The following CLPTM1L variants were observed in gnomAD, a reference collection of about 807,000 sequenced individuals.
CLPTM1L encodes the protein lipid scramblase CLPTM1L.
CLPTM1L carries 38 observed loss-of-function variants against 70.9 expected under a neutral mutation model. That is an observed-to-expected ratio of 0.54 (90% confidence interval 0.41 to 0.70). The LOEUF is 0.70. CLPTM1L is among the 30% of genes least tolerant of loss of function. CLPTM1L has a pLI of 0.00. For synonymous variants in CLPTM1L, 339 were observed against 299.9 expected (o/e 1.13, Z -1.35); for missense variants, 652 against 705.9 (o/e 0.92, Z 0.87).
At chr5:1,325,598 C>G in intron 10 of CLPTM1L, 153 bp downstream of exon 10, 19 of 678,644 alleles carry the variant, frequency 2.8e-5, no homozygotes, top group Non-Finnish European at 8.0e-6. Flanking sequence ...AGAGTGGCTG[C>G]GATCAGAAAC....
chr5:1,325,474 G>A (rs530592408), intron 10 of CLPTM1L: 46 of 511,784 alleles, frequency 9.0e-5, no homozygotes, highest in African/African-American at 2.8e-4. Context: ...CGAAGCACAC[G>A]TGCTGGCCAG....
intron 5 of CLPTM1L, among the ~76,000 whole-genome samples, 165 bp downstream of exon 5, chr5:1,337,738 CT>C (rs771352715): frequency 5.9e-5 from 9 of 152,030 alleles, no homozygotes; most frequent in Admixed American, 2.0e-4. Context: ...CAGGGCCCCC[CT>C]GTCACAACCC....
intron 4 of CLPTM1L, 22 bp from the exon 5 acceptor site, chr5:1,338,004 C>T (rs752605893): frequency 1.9e-6 from 3 of 1,582,974 alleles, no homozygotes; most frequent in Non-Finnish European, 2.6e-6. Flanking sequence ...GCACAACTTT[C>T]CAAAGTCAGC....
At position 1,325,138 on chromosome 5, in the gene CLPTM1L, C is replaced by T. The variant is rs576027481; in HGVS notation, c.1147-325G>A. On this transcript the variant is annotated intron_variant, in intron 10 of 16. Coordinates refer to ENST00000320895, the MANE Select transcript of CLPTM1L (RefSeq NM_030782.5). ...CACACAGGCACAGCCAACACTGCTCCGAACCAGCCGGCCGGGAGCCATGGG... is the reference window on the plus strand; with the variant it reads ...CACACAGGCACAGCCAACACTGCTCTGAACCAGCCGGCCGGGAGCCATGGG... The T allele has an allele frequency of 1.6e-4, 65 of 414,458 alleles. No individual in the cohort carries two copies. In the South Asian group the frequency reaches 2.0e-3, roughly 13 times the overall value. The allele number at this position is 414,458 out of a possible 1,614,324, so 25.7% of individuals were successfully genotyped here.
At chr5:1,338,235 G>A (rs1325180106) in intron 4 of CLPTM1L, 10 of 563,134 alleles carry the variant, frequency 1.8e-5, no homozygotes, top group Non-Finnish European at 2.9e-5. Context: ...CGGCCACTAG[G>A]AGCGGGGGAA....
intron 3 of CLPTM1L, among the ~76,000 whole-genome samples, chr5:1,340,444 T>A (rs1395332367): frequency 6.6e-6 from 1 of 152,196 alleles, no homozygotes; most frequent in Admixed American, 6.5e-5. Context: ...CTCACCCATT[T>A]CCTACCTAAA....
rs552750996 is a variant in CLPTM1L at position 1,342,711 on chromosome 5, C to T, written c.264-851G>A. On this transcript the variant is annotated intron_variant, in intron 2 of 16. Transcript: ENST00000320895. This position sits in a 1 kb window ranked among gnomAD's most constrained non-coding sequence, Gnocchi z 4.3. ...CAAGTGACCTCCCGCCTCAGTCTCCCGAGTAGCTGGGACTACAGGTGGGCG... is the reference window on the plus strand; with the variant it reads ...CAAGTGACCTCCCGCCTCAGTCTCCTGAGTAGCTGGGACTACAGGTGGGCG... Among the ~76,000 whole-genome samples, 8 of 152,350 alleles carry T rather than the reference C, an allele frequency of 5.3e-5. No individual in the cohort carries two copies. The highest frequency in any genetic ancestry group is 4.1e-4 in the South Asian group (2 of 4,832).
intron 5 of CLPTM1L, among the ~76,000 whole-genome samples, chr5:1,337,262 A>G (rs947322018): frequency 6.6e-6 from 1 of 152,276 alleles, no homozygotes; most frequent in African/African-American, 2.4e-5. Flanking sequence ...AGTAAGAGAC[A>G]TTAAATATTA....
At chr5:1,328,917 T>TA in intron 9 of CLPTM1L, among the ~76,000 whole-genome samples, 1 of 150,590 alleles carries the variant, frequency 6.6e-6, no homozygotes, top group Non-Finnish European at 1.5e-5. Context: ...ACACATTTCA[T>TA]CCAGCTCCTC....
chr5:1,338,801 T>C (rs1753746948), intron 4 of CLPTM1L, 59 bp downstream of exon 4: 1 of 1,603,052 alleles, frequency 6.2e-7, no homozygotes, highest in Non-Finnish European at 8.5e-7. Flanking sequence ...TGGCGAGTTC[T>C]GGCCAGCCAG....
intron 13 of CLPTM1L, 49 bp downstream of exon 13, chr5:1,322,828 C>T: frequency 4.4e-6 from 7 of 1,592,292 alleles, no homozygotes; most frequent in Non-Finnish European, 6.0e-6. Flanking sequence ...AATTAAATCG[C>T]TGCCTGCTGG....
chr5:1,329,655 C>CTCTGCCTGGTGGACAGGGCCTCAGGACTA (rs1752945103), intron 9 of CLPTM1L, among the ~76,000 whole-genome samples: 1 of 66,884 alleles, frequency 1.5e-5, no homozygotes, highest in Non-Finnish European at 3.3e-5. Context: ...CCTCAGGACT[C>CTCTGCCTGGTGGACAGGGCCTCAGGACTA]TCTGCCTGGT....
chr5:1,344,421 G>A lies in CLPTM1L; in HGVS notation c.193C>T (p.Leu65=), dbSNP rs758354288. The change falls in exon 2 of 17, where the codon CTG becomes TTG. Residue 65 remains leucine (L), a synonymous_variant. Coordinates refer to ENST00000320895, the MANE Select transcript of CLPTM1L (RefSeq NM_030782.5). The stretch of plus-strand genomic sequence containing the variant: ...AGGTCGATGTTGTTCTCAGCACCCA[G>A]GTGGGACCTCGTCGTGGTGTACACG... The part of the protein sequence containing the change: ...LSVYTTTRSH[L]GAENNIDLVL... 2 of 1,613,736 alleles carry A rather than the reference G, an allele frequency of 1.2e-6. No homozygotes were observed. Among genetic ancestry groups the A allele is most frequent in the East Asian group, 4.5e-5 (2 of 44,890 alleles).
chr5:1,338,273 C>G (rs1753711873), intron 4 of CLPTM1L: 1 of 487,444 alleles, frequency 2.1e-6, no homozygotes, highest in Admixed American at 3.4e-5. Context: ...TACAGCAGAA[C>G]CCAGGGCCCT....
chr5:1,329,502 T>C, intron 9 of CLPTM1L, among the ~76,000 whole-genome samples: 1 of 142,336 alleles, frequency 7.0e-6, no homozygotes, highest in Non-Finnish European at 1.5e-5. Context: ...GGACAGAGCC[T>C]CAGGACTCTC....
chr5:1,345,016 C>A lies in CLPTM1L; in HGVS notation c.-175G>T. The A allele has an allele frequency of 4.9e-6, 1 of 204,772 alleles. No individual in the cohort carries two copies. Among genetic ancestry groups the A allele is most frequent in the South Asian group, 1.5e-4 (1 of 6,706 alleles). 12.7% of individuals were successfully genotyped at this position (204,772 alleles called of 1,614,324 possible). A position where few individuals can be genotyped will look rare whatever the true frequency, so the allele number is the denominator to read the frequency against. On this transcript the variant is annotated 5_prime_UTR_variant, in exon 1 of 17. The change abolishes an upstream ATG in the 5' untranslated region. Transcript: ENST00000320895. ...GCGCCGCAGACCGCCGGCCGCCCCG[C>A]ATGCTCCGGCCCCGCTCCCACCTGG... is the stretch of plus-strand genomic sequence containing the variant.
chr5:1,326,303 C>T lies in CLPTM1L; in HGVS notation c.1081-487G>A. On this transcript the variant is annotated intron_variant, in intron 9 of 16. Transcript: ENST00000320895. ...CTGTGGAGCTCCAGCGTCATTTCAT[C>T]CAGCTCCTCCTCTACAGGGACATTC... The T allele has an allele frequency of 1.2e-5, 3 of 255,468 alleles. No individual in the cohort carries two copies. In the South Asian group the frequency reaches 1.4e-4, roughly 12 times the overall value. 15.8% of individuals were successfully genotyped at this position (255,468 alleles called of 1,614,324 possible).
intron 9 of CLPTM1L, among the ~76,000 whole-genome samples, chr5:1,328,460 C>G (rs1307981476): frequency 6.7e-6 from 1 of 149,638 alleles, no homozygotes; most frequent in African/African-American, 2.5e-5. Context: ...TCATCCAGCT[C>G]CTCCTCTGCA....
At chr5:1,332,649 A>G (rs1579639790) in intron 7 of CLPTM1L, among the ~76,000 whole-genome samples, 1 of 152,158 alleles carries the variant, frequency 6.6e-6, no homozygotes, top group East Asian at 1.9e-4. Context: ...TTTACTGTCC[A>G]TGGTTTCGGT....
Sources: allele counts gnomAD v4.1 joint callset (sites outside exome capture counted in the v4.1 genomes callset), GRCh38; gene constraint gnomAD v4.1.1; non-coding constraint Gnocchi (gnomAD v3.1); transcripts MANE v1.5; gene names NCBI Gene and HGNC (gene_info 2026-07-23, HGNC 2026-07-21).